Variants in RBPMS observed in about 807,000 individuals in gnomAD.
RBPMS encodes the protein RNA-binding protein with multiple splicing.
Under a neutral mutation model 26.8 loss-of-function variants are expected in RBPMS, and 7 were observed. That is an observed-to-expected ratio of 0.26 (90% CI 0.15 to 0.49). RBPMS has a LOEUF of 0.49. RBPMS is among the 20% of genes least tolerant of loss of function. RBPMS has a pLI of 0.98. For synonymous variants in RBPMS, 96 were observed against 93.3 expected, an observed-to-expected ratio of 1.03 and a Z score of -0.17; for missense variants, 186 against 250.0, an observed-to-expected ratio of 0.74 and a Z score of 1.73.
chr8:30,491,160 A>T (rs1363394380), intron 4 of RBPMS, among the ~76,000 whole-genome samples: 1 of 152,200 alleles, frequency 6.6e-6, no homozygotes, highest in Non-Finnish European at 1.5e-5. Context: ...GTATTAGTAA[A>T]TGATGTTGAG....
rs528179102 is a variant in RBPMS at position 30,393,350 on chromosome 8, C to T, written c.66+8192C>T. ...CAACTCTCCATTTGCCAACCCTGCA[C>T]CTAAAAGGAAAGATCAAGCTACCAT... On this transcript the variant is annotated intron_variant, in intron 1 of 8. Coordinates refer to ENST00000397323, the MANE Select transcript of RBPMS (RefSeq NM_001008710.3). Among the ~76,000 whole-genome samples the T allele has an allele frequency of 3.3e-5, 5 of 151,910 alleles. No individual in the cohort carries two copies. The South Asian group carries it at 1.0e-3, about 32-fold the overall frequency.
chr8:30,473,179 T>G (rs1050063685), intron 1 of RBPMS, among the ~76,000 whole-genome samples: 5 of 152,340 alleles, frequency 3.3e-5, no homozygotes, highest in African/African-American at 1.2e-4. Flanking sequence ...GACCCTAAGC[T>G]TCTTGTTTAG....
intron 1 of RBPMS, among the ~76,000 whole-genome samples, chr8:30,418,109 G>C (rs1181116178): frequency 5.3e-5 from 8 of 152,104 alleles, no homozygotes; most frequent in Non-Finnish European, 8.8e-5. Context: ...GAGATTCCTA[G>C]AAATGCAATT....
intron 5 of RBPMS, among the ~76,000 whole-genome samples, chr8:30,507,251 A>C (rs1821165835): frequency 6.6e-6 from 1 of 152,154 alleles, no homozygotes; most frequent in Non-Finnish European, 1.5e-5. Flanking sequence ...AAGAGAAAAA[A>C]ATTTTTTTCA....
intron 5 of RBPMS, among the ~76,000 whole-genome samples, chr8:30,540,517 C>A (rs570226940): frequency 1.1e-4 from 16 of 152,284 alleles, no homozygotes; most frequent in Non-Finnish European, 1.9e-4. Flanking sequence ...CAAATAAGTC[C>A]TAGGTTCGAG....
At chr8:30,416,734 A>G (rs1810129073) in intron 1 of RBPMS, among the ~76,000 whole-genome samples, 1 of 151,238 alleles carries the variant, frequency 6.6e-6, no homozygotes, top group Non-Finnish European at 1.5e-5. Flanking sequence ...CGGCCTCCCA[A>G]AGTGCTGGGA....
At chr8:30,495,825 A>G (rs998430232) in intron 4 of RBPMS, among the ~76,000 whole-genome samples, 9 of 151,762 alleles carry the variant, frequency 5.9e-5, no homozygotes, top group African/African-American at 2.2e-4. Flanking sequence ...TTTCATCACA[A>G]TGCAAACTGA....
At chr8:30,547,579 C>G (rs1825973751) in intron 6 of RBPMS, 3 of 1,109,738 alleles carry the variant, frequency 2.7e-6, no homozygotes, top group Admixed American at 2.8e-5. Context: ...AAAGGTGTTA[C>G]TCTCTGACTG....
At chr8:30,555,971 G>C in intron 6 of RBPMS, 1 of 984,414 alleles carries the variant, frequency 1.0e-6, no homozygotes, top group African/African-American at 1.7e-5. Flanking sequence ...TCTGCCGGCT[G>C]TGGTGCGGGA....
chr8:30,419,262 A>G (rs1031039119), intron 1 of RBPMS, among the ~76,000 whole-genome samples: 1 of 152,172 alleles, frequency 6.6e-6, no homozygotes, highest in African/African-American at 2.4e-5. Flanking sequence ...CCTGGCCAAC[A>G]TGGCGAAACC....
At chr8:30,474,960 T>G in intron 2 of RBPMS, 104 bp downstream of exon 2, 2 of 778,142 alleles carry the variant, frequency 2.6e-6, no homozygotes, top group Non-Finnish European at 4.4e-6. Flanking sequence ...AGAAAACAGA[T>G]GTTTTTAAAA....
intron 1 of RBPMS, among the ~76,000 whole-genome samples, chr8:30,448,148 A>G (rs1814100057): frequency 6.6e-6 from 1 of 152,272 alleles, no homozygotes. Flanking sequence ...TGGAACACAG[A>G]AAAATAAATT....
chr8:30,565,785 C>A (rs751774340), intron 7 of RBPMS: 5 of 152,514 alleles, frequency 3.3e-5, no homozygotes, highest in African/African-American at 1.2e-4. Flanking sequence ...CTGCTCAGCT[C>A]CTGGAGGTGG....
intron 5 of RBPMS, chr8:30,537,488 G>C: frequency 2.2e-6 from 1 of 451,284 alleles, no homozygotes; most frequent in South Asian, 1.6e-5. Context: ...GTCTGGCTGA[G>C]AACCCGCATT....
At chr8:30,481,147 A>T (rs778370660) in intron 4 of RBPMS, among the ~76,000 whole-genome samples, 12 of 152,220 alleles carry the variant, frequency 7.9e-5, no homozygotes, top group Non-Finnish European at 1.5e-4. Flanking sequence ...TAAAGAATAA[A>T]GACATGGTGT....
intron 1 of RBPMS, among the ~76,000 whole-genome samples, chr8:30,407,989 C>G (rs1808849495): frequency 1.3e-5 from 2 of 151,830 alleles, no homozygotes; most frequent in South Asian, 4.2e-4. Context: ...GAAGAGCTTG[C>G]AACACAGGAC....
chr8:30,462,905 G>A (rs1337403731), intron 1 of RBPMS, among the ~76,000 whole-genome samples: 1 of 152,114 alleles, frequency 6.6e-6, no homozygotes, highest in Non-Finnish European at 1.5e-5. Context: ...CTTTTACAAA[G>A]GTAGACAGAG....
intron 1 of RBPMS, among the ~76,000 whole-genome samples, chr8:30,411,340 G>T (rs1809370904): frequency 6.6e-6 from 1 of 152,098 alleles, no homozygotes; most frequent in South Asian, 2.1e-4. Context: ...GGAGGGTGGT[G>T]TGTGTTCCTT....
chr8:30,385,532 G>C (rs188262830), intron 1 of RBPMS: 51 of 194,922 alleles, frequency 2.6e-4, no homozygotes, highest in Admixed American at 9.7e-4. Context: ...TCAGGGTCGG[G>C]GGGGGAGCAG....
Sources: allele counts gnomAD v4.1 joint callset (sites outside exome capture counted in the v4.1 genomes callset), GRCh38; gene constraint gnomAD v4.1.1; transcripts MANE v1.5; gene names NCBI Gene and HGNC (gene_info 2026-07-23, HGNC 2026-07-21).